The following FAT4 variants were observed in gnomAD, a reference collection of about 807,000 sequenced individuals.
FAT4 encodes FAT atypical cadherin 4, also known as protocadherin Fat 4.
In FAT4, 84 loss-of-function variants were observed where a neutral mutation model predicts 303.9. The observed-to-expected ratio is 0.28, with a 90% CI of 0.23 to 0.33. The LOEUF (loss-of-function observed/expected upper bound fraction) is 0.33, where lower values mean the gene tolerates loss of function less well. FAT4 is among the 10% of genes least tolerant of loss of function. The probability of loss-of-function intolerance (pLI) is 1.00; values close to 1 mark genes in which losing one functional copy is unlikely to be tolerated. For missense variants in FAT4, 6,005 were observed against 6,146.8 expected, an observed-to-expected ratio of 0.98 and a Z score of 0.77; for synonymous variants, 2,307 against 2,298.8, an observed-to-expected ratio of 1.00 and a Z score of -0.10.
intron 2 of FAT4, among the ~76,000 whole-genome samples, chr4:125,352,039 T>C (rs1732244684): frequency 1.3e-5 from 2 of 151,734 alleles, no homozygotes; most frequent in South Asian, 2.1e-4. Context: ...CTTTGATTTA[T>C]TGTAGTATAA....
rs1735003775 is a variant in FAT4, at chr4:125,415,337, T to C, written c.6374T>C (p.Val2125Ala). 4 of 1,614,038 alleles carry C rather than the reference T, an allele frequency of 2.5e-6. No individual in the cohort carries two copies. Among genetic ancestry groups the C allele is most frequent in the Non-Finnish European group, 2.5e-6 (3 of 1,179,970 alleles). The change falls in exon 6 of 18, where the codon GTG becomes GCG. Residue 2125 changes from valine to alanine, a missense_variant. By Grantham distance (64) the Val-to-Ala change is moderately conservative. Coordinates refer to ENST00000394329, the MANE Select transcript of FAT4 (RefSeq NM_001291303.3). Reference protein sequence around the residue: ...EEVSNYTLTVVATDKGQPSLS... With the variant: ...EEVSNYTLTVAATDKGQPSLS... ...GTTTCTAATTATACTCTAACAGTGG[T>C]GGCTACAGACAAAGGTCAACCATCT...
At chr4:125,471,941 G>T (rs1489169984) in intron 12 of FAT4, among the ~76,000 whole-genome samples, 1 of 140,996 alleles carries the variant, frequency 7.1e-6, no homozygotes. Flanking sequence ...GCCCGGCATA[G>T]CGGTGTGCGC....
intron 2 of FAT4, chr4:125,393,848 C>G (rs1734065297): frequency 2.9e-6 from 2 of 684,884 alleles, no homozygotes. Context: ...GTGTTTGTCT[C>G]TAAATAAAAT....
chr4:125,457,546 A>C (rs1726326525), intron 10 of FAT4, among the ~76,000 whole-genome samples: 1 of 152,022 alleles, frequency 6.6e-6, no homozygotes, highest in African/African-American at 2.4e-5. Context: ...AAAAAGAACC[A>C]AAAGAAAATT....
chr4:125,440,467 A>G (rs1057430276), intron 8 of FAT4, among the ~76,000 whole-genome samples: 3 of 151,864 alleles, frequency 2.0e-5, no homozygotes, highest in African/African-American at 7.2e-5. Context: ...TGTCTATATA[A>G]ATATTATTTC....
chr4:125,349,551 G>A (rs902417667), intron 2 of FAT4, among the ~76,000 whole-genome samples: 1 of 151,648 alleles, frequency 6.6e-6, no homozygotes, highest in African/African-American at 2.4e-5. Flanking sequence ...TGAAATTCTT[G>A]CATTCTGATG....
rs201663831 is a variant in FAT4, at chr4:125,450,097, C to T, written c.9087C>T (p.Asn3029=). ...SEVEYFISND[N]HLGKFKLDND... ...TGGAGTATTTCATTTCTAATGATAACCATTTAGGAAAATTTAAGTTGGACA... is the reference window on the plus strand; with the variant it reads ...TGGAGTATTTCATTTCTAATGATAATCATTTAGGAAAATTTAAGTTGGACA... The change falls in exon 10 of 18, where the codon AAC becomes AAT. Residue 3029 remains asparagine, a synonymous_variant. Coordinates refer to ENST00000394329, the MANE Select transcript of FAT4 (RefSeq NM_001291303.3). 1.7e-5 allele frequency: 27 copies of T among 1,613,748 alleles called. No individual in the cohort carries two copies. In the East Asian group the frequency reaches 5.1e-4, roughly 31 times the overall value.
In FAT4 at chr4:125,452,517, C is replaced by T. The variant is rs764341195; in HGVS notation, c.11507C>T (p.Pro3836Leu). 2.5e-6 allele frequency: 4 copies of T among 1,614,048 alleles called. No individual in the cohort carries two copies. Among genetic ancestry groups the T allele is most frequent in the Admixed American group, 1.7e-5 (1 of 60,026 alleles). The change falls in exon 10 of 18, where the codon CCA becomes CTA. Residue 3836 changes from proline (P) to leucine (L), a missense_variant. Transcript: ENST00000394329. ...GTATTAAAAAGCCGTGAGAGTCTTCCAGTCATCATCGTGGCAAATGAACCT... is the reference window on the plus strand; with the variant it reads ...GTATTAAAAAGCCGTGAGAGTCTTCTAGTCATCATCGTGGCAAATGAACCT... ...SSVLKSRESLPVIIVANEPLQ... is the reference protein window; with the variant it reads ...SSVLKSRESLLVIIVANEPLQ...
intron 8 of FAT4, among the ~76,000 whole-genome samples, chr4:125,437,465 C>A (rs150173347): frequency 1.6e-3 from 191 of 118,582 alleles, no homozygotes; most frequent in African/African-American, 6.1e-3. Context: ...GAGCTACATA[C>A]AGATTTCTTT....
At chr4:125,462,819 C>T (rs1726526766) in intron 10 of FAT4, among the ~76,000 whole-genome samples, 1 of 151,994 alleles carries the variant, frequency 6.6e-6, no homozygotes, top group Non-Finnish European at 1.5e-5. Context: ...GAAACACAGT[C>T]TGAAGACACT....
At chr4:125,483,549 G>C (rs1329218077) in intron 16 of FAT4, among the ~76,000 whole-genome samples, 1 of 152,054 alleles carries the variant, frequency 6.6e-6, no homozygotes. Context: ...ATCCATTTTT[G>C]TCACCATAAA....
At chr4:125,352,041 G>T (rs2125978763) in intron 2 of FAT4, among the ~76,000 whole-genome samples, 1 of 151,680 alleles carries the variant, frequency 6.6e-6, no homozygotes, top group East Asian at 1.9e-4. Flanking sequence ...TTGATTTATT[G>T]TAGTATAACT....
chr4:125,482,540 T>A (rs1160604729), intron 16 of FAT4, among the ~76,000 whole-genome samples: 2 of 152,224 alleles, frequency 1.3e-5, no homozygotes, highest in East Asian at 3.9e-4. Context: ...AGTTTAGTTA[T>A]ATTTACTGCC....
chr4:125,362,206 G>T, intron 2 of FAT4, among the ~76,000 whole-genome samples: 2 of 152,094 alleles, frequency 1.3e-5, no homozygotes, highest in Middle Eastern at 6.8e-3. Flanking sequence ...GATTAAAAGC[G>T]TATGTGTGTG....
intron 2 of FAT4, among the ~76,000 whole-genome samples, chr4:125,380,971 T>C (rs994929398): frequency 1.3e-5 from 2 of 152,188 alleles, no homozygotes; most frequent in South Asian, 2.1e-4. Context: ...TATTTAGATA[T>C]CATGAATTCA....
chr4:125,476,158 T>A lies in FAT4; in HGVS notation c.12214-13T>A. On this transcript the variant is annotated splice_polypyrimidine_tract_variant and intron_variant, in intron 12 of 17. Coordinates refer to ENST00000394329, the MANE Select transcript of FAT4 (RefSeq NM_001291303.3). ...GAACTCAAAGTTGAATGTTTCTTTC[T>A]CTTGCTTCGTAGGCAGCCTCCTTAA... 1 of 1,557,698 alleles carries A rather than the reference T, an allele frequency of 6.4e-7. No homozygotes were observed. The highest frequency in any genetic ancestry group is 8.8e-7 in the Non-Finnish European group (1 of 1,135,466).
At position 125,491,156 on chromosome 4, in the gene FAT4, A is replaced by C. The variant is rs1270575761; in HGVS notation, c.14340A>C (p.Pro4780=). 2 of 1,614,108 alleles carry C rather than the reference A, an allele frequency of 1.2e-6. No homozygotes were observed. The highest frequency in any genetic ancestry group is 1.7e-5 in the Admixed American group (1 of 60,028). The change falls in exon 18 of 18, where the codon CCA becomes CCC. Residue 4780 remains proline (P), a synonymous_variant. Coordinates refer to ENST00000394329, the MANE Select transcript of FAT4 (RefSeq NM_001291303.3). ...TAAAGCAGCCGATTGGGCAGATTCC[A>C]CTGGAATCTTCTCCTCCAGTCGGAC... ...SRLKQPIGQI[P]LESSPPVGLS...
At position 125,468,714 on chromosome 4, in the gene FAT4, A is replaced by C. The variant is rs199730809; in HGVS notation, c.12108A>C (p.Arg4036Ser). ...EFLALEIAEE[R>S]LRFSYNLGSG... ...TGGCCCTTGAAATTGCCGAAGAAAGACTAAGATTCTCTTATAATTTAGGCA... is the reference window on the plus strand; with the variant it reads ...TGGCCCTTGAAATTGCCGAAGAAAGCCTAAGATTCTCTTATAATTTAGGCA... Residue 4036 changes from arginine (R) to serine (S), a missense_variant, in exon 12 of 18, where the codon AGA becomes AGC. Coordinates refer to ENST00000394329, the MANE Select transcript of FAT4 (RefSeq NM_001291303.3). 6.2e-7 allele frequency: 1 copy of C among 1,614,038 alleles called. No homozygotes were observed. The highest frequency in any genetic ancestry group is 1.7e-5 in the Admixed American group (1 of 59,992).
intron 15 of FAT4, 35 bp from the exon 16 acceptor site, chr4:125,481,486 T>C: frequency 6.4e-7 from 1 of 1,573,672 alleles, no homozygotes; most frequent in Non-Finnish European, 8.7e-7. Flanking sequence ...GCCAAATGAA[T>C]GCATTCATTT....
Sources: allele counts gnomAD v4.1 joint callset (sites outside exome capture counted in the v4.1 genomes callset), GRCh38; gene constraint gnomAD v4.1.1; transcripts MANE v1.5; gene names NCBI Gene and HGNC (gene_info 2026-07-23, HGNC 2026-07-21).